MED23: variants seen among roughly 807,000 people sequenced by gnomAD.
MED23 encodes the protein mediator complex subunit 23, also known as mediator of RNA polymerase II transcription subunit 23.
Under a neutral mutation model 163.9 loss-of-function variants are expected in MED23, and 105 were observed. The observed-to-expected ratio is 0.64, with a 90% CI of 0.55 to 0.75. The LOEUF is 0.75. MED23 is among the 30% of genes least tolerant of loss of function. The probability of loss-of-function intolerance (pLI) is 0.00; values close to 1 mark genes in which losing one functional copy is unlikely to be tolerated. For synonymous variants in MED23, 561 were observed against 565.6 expected (o/e 0.99, Z 0.12); for missense variants, 1,054 against 1,649.0 (o/e 0.64, Z 6.25).
intron 26 of MED23, 117 bp downstream of exon 26, chr6:131,591,196 T>G (rs2114589491): frequency 1.3e-6 from 1 of 761,194 alleles, no homozygotes; most frequent in African/African-American, 1.7e-5. Context: ...GCCAGGATGG[T>G]CTCAATCGCC....
At chr6:131,579,466 T>C (rs1773805989) in intron 30 of MED23, 1 of 590,326 alleles carries the variant, frequency 1.7e-6, no homozygotes, top group Admixed American at 3.2e-5. Context: ...TCGCTCAATT[T>C]GAAGTCTTAC....
At chr6:131,599,901 G>A in intron 18 of MED23, 137 bp downstream of exon 18, 1 of 1,063,434 alleles carries the variant, frequency 9.4e-7, no homozygotes, top group Non-Finnish European at 1.4e-6. Flanking sequence ...GTGCCACCAT[G>A]CCCAGCCCCT....
intron 17 of MED23, 28 bp downstream of exon 17, chr6:131,602,190 G>C: frequency 6.2e-7 from 1 of 1,607,986 alleles, no homozygotes; most frequent in Non-Finnish European, 8.5e-7. Flanking sequence ...TTCATCTGTT[G>C]TTGTTTGTAG....
At chr6:131,595,893 TC>T in intron 22 of MED23, 53 bp downstream of exon 22, 2 of 1,333,400 alleles carry the variant, frequency 1.5e-6, no homozygotes. Context: ...GTCCTGCCCA[TC>T]CTACTTTTGA....
chr6:131,574,585 A>C (rs1773522509), intron 30 of MED23, among the ~76,000 whole-genome samples: 1 of 152,298 alleles, frequency 6.6e-6, no homozygotes, highest in East Asian at 1.9e-4. Context: ...TCATTGTCTC[A>C]TGATTGTAAG....
intron 7 of MED23, 116 bp downstream of exon 7, chr6:131,620,512 T>A (rs1367480851): frequency 1.8e-5 from 13 of 721,742 alleles, no homozygotes; most frequent in Non-Finnish European, 3.3e-5. Context: ...GTTACCCAGG[T>A]TGGGTCTTGA....
chr6:131,623,379 C>T lies in MED23; in HGVS notation c.368G>A (p.Arg123Gln), dbSNP rs145843297. The change falls in exon 5 of 29, where the codon CGG (arginine) becomes CAG (glutamine). Residue 123 changes from arginine (R) to glutamine (Q), a missense_variant. Transcript: ENST00000368068. ...QLWALTFKLVRKIIGGVDYKG... is the reference protein window; with the variant it reads ...QLWALTFKLVQKIIGGVDYKG... ...GTAATCCACTCCCCCAATTATTTTC[C>T]GAACCAGTTTAAATGTTAAGGCCCA... 237 of 1,613,856 alleles carry T rather than the reference C, an allele frequency of 1.5e-4. 2 individuals are homozygous for T. The African/African-American group carries it at 2.2e-3, about 15-fold the overall frequency.
chr6:131,588,039 G>A (rs144668296), intron 28 of MED23, among the ~76,000 whole-genome samples, 193 bp from the exon 29 acceptor site: 206 of 152,136 alleles, frequency 1.4e-3, no homozygotes, highest in African/African-American at 4.7e-3. Flanking sequence ...GAAACAATAC[G>A]TTCTCCCTCA....
intron 1 of MED23, 89 bp from the exon 2 acceptor site, chr6:131,627,761 A>G: frequency 7.9e-7 from 1 of 1,265,384 alleles, no homozygotes; most frequent in South Asian, 1.2e-5. Flanking sequence ...ACACAGGGCA[A>G]GTCACCTTAA....
chr6:131,589,914 T>C (rs779450588), intron 27 of MED23, among the ~76,000 whole-genome samples: 1 of 152,194 alleles, frequency 6.6e-6, no homozygotes, highest in Non-Finnish European at 1.5e-5. Context: ...ACTCCACTCC[T>C]AGGGATCCTT....
downstream of MED23, chr6:131,582,961 T>C: frequency 1.1e-6 from 1 of 900,134 alleles, no homozygotes. Flanking sequence ...AGAACCTAAA[T>C]GTTTTATATA....
intron 6 of MED23, among the ~76,000 whole-genome samples, chr6:131,621,296 G>C (rs1777083419): frequency 6.6e-6 from 1 of 151,892 alleles, no homozygotes; most frequent in South Asian, 2.1e-4. Flanking sequence ...AAATTGCTAA[G>C]AGAGTAGATT....
Position 131,586,840 on chromosome 6 carries a change from G to T in MED23, c.*839C>A. On this transcript the variant is annotated 3_prime_UTR_variant, in exon 29 of 29. Transcript: ENST00000368068. ...ATTAACAATGTCTCTCAAAATCCAA[G>T]AAATAAAATGTGTACTGTATTTACA... The T allele has an allele frequency of 6.6e-7, 1 of 1,506,588 alleles. No homozygotes were observed. The highest frequency in any genetic ancestry group is 9.0e-7 in the Non-Finnish European group (1 of 1,112,210). The allele number at this position is 1,506,588 out of a possible 1,614,324, so 93.3% of individuals were successfully genotyped here.
rs2114608142 is a variant in MED23 at position 131,594,260 on chromosome 6, C to T, written c.3071G>A (p.Arg1024Gln). The T allele has an allele frequency of 1.2e-6, 2 of 1,614,070 alleles. No homozygotes were observed. Among genetic ancestry groups the T allele is most frequent in the Non-Finnish European group, 8.5e-7 (1 of 1,180,000 alleles). Residue 1024 changes from arginine (R) to glutamine (Q), a missense_variant, in exon 23 of 29, where the codon CGA becomes CAA. By Grantham distance (43) the Arg-to-Gln change is conservative. Around this residue, in one of 11 missense-constraint regions of MED23, gnomAD observed 362 missense variants for 471.6 expected, o/e 0.77. Transcript: ENST00000368068. Reference sequence around the variant, plus strand: ...GCCAATGATCGCATGGACGAGTTTTCGTTTGAGAAATGCGCGGTCTCTCAG... The same window carrying T: ...GCCAATGATCGCATGGACGAGTTTTTGTTTGAGAAATGCGCGGTCTCTCAG... ...MHLRDRAFLK[R>Q]KLVHAIIGSL...
chr6:131,602,904 G>A, intron 16 of MED23, 126 bp downstream of exon 16: 1 of 962,452 alleles, frequency 1.0e-6, no homozygotes, highest in Non-Finnish European at 1.5e-6. Context: ...TAGAAGCAGA[G>A]AAGTTTTATG....
intron 20 of MED23, among the ~76,000 whole-genome samples, chr6:131,597,475 CAAAAAA>C (rs59083644): frequency 0.33 from 17,306 of 53,048 alleles, 767 homozygotes; most frequent in East Asian, 0.47. Flanking sequence ...GACTCCATAT[CAAAAAA>C]AAAAAAAAAA....
In MED23 at chr6:131,587,519, A is replaced by AG. The variant is rs1322348634; in HGVS notation, c.*159dup. 26 of 1,474,680 alleles carry AG rather than the reference A, an allele frequency of 1.8e-5. No homozygotes were observed. Among genetic ancestry groups the AG allele is most frequent in the Middle Eastern group, 4.9e-4 (2 of 4,072 alleles). 91.3% of individuals were successfully genotyped at this position (1,474,680 alleles called of 1,614,324 possible). The stretch of plus-strand genomic sequence containing the variant: ...TATAGATAGGGAGATGGGAGTTATA[A>AG]GGTGTCAACAGATTCATCATTTGAA... On this transcript the variant is annotated 3_prime_UTR_variant, in exon 29 of 29. Coordinates refer to ENST00000368068, the MANE Select transcript of MED23 (RefSeq NM_004830.4).
Position 131,610,094 on chromosome 6 carries a change from A to G in MED23, c.1029T>C (p.Leu343=). 2 of 1,614,004 alleles carry G rather than the reference A, an allele frequency of 1.2e-6. No homozygotes were observed. Among genetic ancestry groups the G allele is most frequent in the Non-Finnish European group, 1.7e-6 (2 of 1,179,936 alleles). The change falls in exon 11 of 29, where the codon CTT becomes CTC. Residue 343 remains leucine (L), a synonymous_variant. Coordinates refer to ENST00000368068, the MANE Select transcript of MED23 (RefSeq NM_004830.4). ...HLSSQLIFFV[L]FQFASFPHMV... ...TATGTGGAAAACTTGCAAACTGGAA[A>G]AGCACAAAGAAAATGAGCTGACTTG...
chr6:131,580,701 C>G (rs1336259385), intron 30 of MED23, among the ~76,000 whole-genome samples: 1 of 152,124 alleles, frequency 6.6e-6, no homozygotes, highest in East Asian at 1.9e-4. Context: ...CATACGCTGG[C>G]TGAAGAACTT....
Sources: gnomAD v4.1 joint callset for allele counts (sites outside exome capture counted in the v4.1 genomes callset) on GRCh38, gnomAD v4.1.1 for gene constraint, gnomAD v4.1.1 regional missense constraint, MANE v1.5 for transcripts, NCBI Gene and HGNC (gene_info 2026-07-23, HGNC 2026-07-21) for gene names.